Variants in C12orf42 observed in about 807,000 individuals in gnomAD.
C12orf42 encodes chromosome 12 open reading frame 42.
In C12orf42, 25 loss-of-function variants were observed where a neutral mutation model predicts 21.6. The observed-to-expected ratio is 1.16, with a 90% CI of 0.84 to 1.62. The LOEUF is 1.62. Ranked by LOEUF, C12orf42 falls within the 40% of genes most tolerant of loss-of-function variation. C12orf42 has a pLI of 0.00. For missense variants in C12orf42, 483 were observed against 459.3 expected (o/e 1.05, Z -0.47); for synonymous variants, 174 against 175.0 (o/e 0.99, Z 0.05).
chr12:103,330,566 G>A (rs185156761), intron 4 of C12orf42, among the ~76,000 whole-genome samples: 106 of 152,200 alleles, frequency 7.0e-4, no homozygotes, highest in African/African-American at 2.4e-3. Flanking sequence ...TCAGATAGTC[G>A]GCCATGAAAA....
chr12:103,454,323 T>C (rs1952146074), intron 2 of C12orf42, among the ~76,000 whole-genome samples: 1 of 152,104 alleles, frequency 6.6e-6, no homozygotes, highest in Admixed American at 6.6e-5. Context: ...GAAAACCTCA[T>C]TTCAGAATTA....
intron 5 of C12orf42, among the ~76,000 whole-genome samples, chr12:103,273,346 T>C (rs2035576722): frequency 6.6e-6 from 1 of 152,210 alleles, no homozygotes; most frequent in Non-Finnish European, 1.5e-5. Context: ...TGAGCATACA[T>C]ATATACTATA....
At chr12:103,256,680 A>G (rs1418704941) in intron 10 of C12orf42, among the ~76,000 whole-genome samples, 1 of 152,208 alleles carries the variant, frequency 6.6e-6, no homozygotes, top group Non-Finnish European at 1.5e-5. Context: ...GTGAAATCTC[A>G]AAACTGAAAT....
Position 103,368,969 on chromosome 12 carries a change from T to C in C12orf42, c.177A>G (p.Val59=), listed in dbSNP as rs755608284. 6.3e-7 allele frequency: 1 copy of C among 1,597,666 alleles called. No homozygotes were observed. Among genetic ancestry groups the C allele is most frequent in the Non-Finnish European group, 8.5e-7 (1 of 1,170,640 alleles). The change falls in exon 4 of 6, where the codon GTA becomes GTG. Residue 59 remains valine, a synonymous_variant. Transcript: ENST00000548883. ...TGTGATTAATGAATCTGGAGCAGGGTACTGAAGTTCTTTCATAACAAGGGA... is the reference window on the plus strand; with the variant it reads ...TGTGATTAATGAATCTGGAGCAGGGCACTGAAGTTCTTTCATAACAAGGGA... ...KHIPCYERTS[V]PCSRFINHMK...
At chr12:103,529,390 T>A in the C12orf42 span, among the ~76,000 whole-genome samples, 1 of 152,260 alleles carries the variant, frequency 6.6e-6, no homozygotes, top group African/African-American at 2.4e-5. Flanking sequence ...TTCCTGTAAA[T>A]GCTGTAGCAG....
At chr12:103,112,443 T>C in the C12orf42 span, among the ~76,000 whole-genome samples, 1 of 152,128 alleles carries the variant, frequency 6.6e-6, no homozygotes, top group Admixed American at 6.5e-5. Flanking sequence ...GCGGATCACC[T>C]GAGGTCAGGA....
intron 4 of C12orf42, among the ~76,000 whole-genome samples, chr12:103,354,356 C>T (rs902242327): frequency 1.3e-5 from 2 of 152,124 alleles, no homozygotes; most frequent in Non-Finnish European, 1.5e-5. Context: ...CAGCTCCCCT[C>T]TCACCTTTCA....
chr12:103,099,276 G>C, the C12orf42 span, among the ~76,000 whole-genome samples: 3 of 152,206 alleles, frequency 2.0e-5, no homozygotes, highest in African/African-American at 7.2e-5. Flanking sequence ...ACAACTTTGT[G>C]ATGTGGATTA....
the C12orf42 span, among the ~76,000 whole-genome samples, chr12:103,122,517 A>T: frequency 3.3e-5 from 5 of 152,138 alleles, no homozygotes; most frequent in Non-Finnish European, 7.3e-5. Context: ...GATGATAGGG[A>T]GTGTTGGTAT....
the C12orf42 span, among the ~76,000 whole-genome samples, chr12:103,195,082 G>C: frequency 6.6e-6 from 1 of 152,110 alleles, no homozygotes; most frequent in Non-Finnish European, 1.5e-5. Context: ...ATTTGGTTAG[G>C]ATAATGACCT....
chr12:103,226,312 T>C, the C12orf42 span, among the ~76,000 whole-genome samples: 2 of 152,322 alleles, frequency 1.3e-5, no homozygotes, highest in Non-Finnish European at 1.5e-5. Flanking sequence ...AATTAAGTCC[T>C]GTTGTGGGGT....
the C12orf42 span, among the ~76,000 whole-genome samples, chr12:103,182,066 G>A: frequency 1.2e-4 from 18 of 150,614 alleles, no homozygotes; most frequent in Admixed American, 4.0e-4. Flanking sequence ...TTTTTCTCGT[G>A]TTTTTATTTT....
intron 4 of C12orf42, among the ~76,000 whole-genome samples, chr12:103,292,190 C>T (rs1244636071): frequency 6.6e-6 from 1 of 152,058 alleles, no homozygotes; most frequent in Non-Finnish European, 1.5e-5. Flanking sequence ...TATATGATTT[C>T]ATTCATATTA....
At chr12:103,508,610 T>G in the C12orf42 span, among the ~76,000 whole-genome samples, 2 of 152,250 alleles carry the variant, frequency 1.3e-5, no homozygotes, top group African/African-American at 4.8e-5. Flanking sequence ...CCCATCTAGA[T>G]GTAATCTATC....
At chr12:103,205,917 AAAG>A in the C12orf42 span, among the ~76,000 whole-genome samples, 4 of 152,164 alleles carry the variant, frequency 2.6e-5, no homozygotes, top group Non-Finnish European at 5.9e-5. Context: ...AAAGTATATA[AAAG>A]AAGGAGCTAT....
chr12:103,467,131 A>G (rs1953203742), intron 2 of C12orf42, among the ~76,000 whole-genome samples: 1 of 152,210 alleles, frequency 6.6e-6, no homozygotes, highest in South Asian at 2.1e-4. Context: ...TCTGTTACAT[A>G]TTGGATAATA....
chr12:103,239,087 T>G (rs2033601112), intron 10 of C12orf42, among the ~76,000 whole-genome samples: 1 of 152,314 alleles, frequency 6.6e-6, no homozygotes, highest in East Asian at 1.9e-4. Flanking sequence ...TTAGTGCATA[T>G]GGGGAGTTTT....
rs1422738140 is a variant in C12orf42, at chr12:103,287,720, AC to A, written n.338-10511del. Among the ~76,000 whole-genome samples the A allele has an allele frequency of 4.4e-4, 66 of 151,552 alleles. No homozygotes were observed. The East Asian group carries it at 0.01, about 24-fold the overall frequency. Reference sequence around the variant, plus strand: ...TAAAGTATAATAATAAAAAAAAAAAACAAAAAAAAGTGTTCATAACAGCTAT... The same window carrying A: ...TAAAGTATAATAATAAAAAAAAAAAAAAAAAAAAGTGTTCATAACAGCTAT... On this transcript the variant is annotated intron_variant and non_coding_transcript_variant, in intron 4 of 6. Transcript: ENST00000546526.
At chr12:103,322,137 A>G (rs561029507) in intron 4 of C12orf42, among the ~76,000 whole-genome samples, 6 of 144,640 alleles carry the variant, frequency 4.1e-5, no homozygotes, top group Middle Eastern at 3.2e-3. Flanking sequence ...ACACACACAC[A>G]CACACACACA....
Sources: allele counts gnomAD v4.1 joint callset (sites outside exome capture counted in the v4.1 genomes callset), GRCh38; gene constraint gnomAD v4.1.1; transcripts MANE v1.5; gene names NCBI Gene and HGNC (gene_info 2026-07-23, HGNC 2026-07-21).